Variants in PIGK observed in about 807,000 individuals in gnomAD.
PIGK encodes GPI-anchor transamidase.
PIGK carries 42 observed loss-of-function variants against 50.6 expected under a neutral mutation model. That is an observed-to-expected ratio of 0.83 (90% CI 0.65 to 1.07). The LOEUF is 1.07. PIGK is among the 50% of genes least tolerant of loss of function. The probability of loss-of-function intolerance (pLI) is 0.00; values close to 1 mark genes in which losing one functional copy is unlikely to be tolerated. For missense variants in PIGK, 448 were observed against 488.7 expected (o/e 0.92, Z 0.78); for synonymous variants, 151 against 156.0 (o/e 0.97, Z 0.24).
intron 3 of PIGK, among the ~76,000 whole-genome samples, chr1:77,176,112 G>A (rs1655483441): frequency 6.6e-6 from 1 of 152,110 alleles, no homozygotes; most frequent in Admixed American, 6.5e-5. Context: ...TGAGTAAAAG[G>A]TTTTTGCCTT....
Position 77,218,246 on chromosome 1 carries a change from T to C in PIGK, c.93+1064A>G, listed in dbSNP as rs570127435. Among the ~76,000 whole-genome samples the C allele has an allele frequency of 2.6e-5, 4 of 152,288 alleles. No homozygotes were observed. In the South Asian group the frequency reaches 8.3e-4, roughly 32 times the overall value. ...ATGCAATTAATAAATATTTAAAAGA[T>C]TTCATCAGAAGAATAACCTGATCAG... On this transcript the variant is annotated intron_variant, in intron 1 of 10. Transcript: ENST00000370812.
chr1:77,122,265 A>C lies in PIGK; in HGVS notation c.1071+10T>G, dbSNP rs570280496. The C allele has an allele frequency of 1.8e-5, 28 of 1,515,110 alleles. No homozygotes were observed. In the East Asian group the frequency reaches 5.6e-4, roughly 30 times the overall value. 93.9% of individuals were successfully genotyped at this position (1,515,110 alleles called of 1,614,324 possible). On this transcript the variant is annotated intron_variant, in intron 10 of 10. Transcript: ENST00000370812. ...TTGTTTCTTTCAAAAGAATAAAATG[A>C]AATGCAAACCTGGTGTATTATCTGA...
chr1:77,191,001 A>G (rs1173796990), intron 3 of PIGK, among the ~76,000 whole-genome samples: 1 of 152,236 alleles, frequency 6.6e-6, no homozygotes, highest in Non-Finnish European at 1.5e-5. Flanking sequence ...GATGAAAATC[A>G]GTACAGCGTT....
chr1:77,192,638 AT>A (rs1464254280), intron 3 of PIGK, among the ~76,000 whole-genome samples: 1 of 152,154 alleles, frequency 6.6e-6, no homozygotes, highest in Non-Finnish European at 1.5e-5. Flanking sequence ...AGATAACCAC[AT>A]TAAAAATAAA....
chr1:77,205,360 G>A (rs1208528094), intron 3 of PIGK, among the ~76,000 whole-genome samples: 1 of 150,644 alleles, frequency 6.6e-6, no homozygotes, highest in Non-Finnish European at 1.5e-5. Context: ...CAGACTTAAT[G>A]TAATTTTAAA....
In PIGK at chr1:77,206,750, A is replaced by T; in HGVS notation, c.148-19T>A. 6.6e-7 allele frequency: 1 copy of T among 1,515,346 alleles called. No homozygotes were observed. The highest frequency in any genetic ancestry group is 2.3e-5 in the East Asian group (1 of 44,320). 93.9% of individuals were successfully genotyped at this position (1,515,346 alleles called of 1,614,324 possible). A position where few individuals can be genotyped will look rare whatever the true frequency, so the allele number is the denominator to read the frequency against. On this transcript the variant is annotated intron_variant, in intron 2 of 10. Coordinates refer to ENST00000370812, the MANE Select transcript of PIGK (RefSeq NM_005482.3). Reference sequence around the variant, plus strand: ...TACACACCTGAAGTATTAAAACAAAAACAGAATTTTTATGCATCAAGGCTA... The same window carrying T: ...TACACACCTGAAGTATTAAAACAAATACAGAATTTTTATGCATCAAGGCTA...
rs560376101 is a variant in PIGK, at chr1:77,141,425, G to A, written c.986+13024C>T. 2.6e-5 allele frequency among the ~76,000 whole-genome samples: 4 copies of A among 152,134 alleles called. No individual in the cohort carries two copies. The East Asian group carries it at 5.8e-4, about 22-fold the overall frequency. On this transcript the variant is annotated intron_variant, in intron 9 of 10. Transcript: ENST00000370812. ...CTCTTAATATTGAAGTTAAAATGAA[G>A]GAACTGAAAAAGGCATTCCATACAA...
At chr1:77,155,416 T>C (rs910454319) in intron 8 of PIGK, among the ~76,000 whole-genome samples, 3 of 152,214 alleles carry the variant, frequency 2.0e-5, no homozygotes, top group African/African-American at 4.8e-5. Flanking sequence ...ATAGAATTCA[T>C]ACTGTTACTT....
At chr1:77,144,767 T>A (rs778054908) in intron 9 of PIGK, among the ~76,000 whole-genome samples, 2 of 151,930 alleles carry the variant, frequency 1.3e-5, no homozygotes, top group African/African-American at 4.8e-5. Context: ...AAGAACTTTA[T>A]CCATATGCAA....
chr1:77,116,592 G>A (rs1653977076), intron 10 of PIGK, among the ~76,000 whole-genome samples: 1 of 69,332 alleles, frequency 1.4e-5, no homozygotes, highest in African/African-American at 8.4e-5. Context: ...GTGTGTGTGT[G>A]TGTGCGCGTG....
rs373808555 is a variant in PIGK at position 77,096,051 on chromosome 1, T to C, written c.1072-3561A>G. Reference sequence around the variant, plus strand: ...AATTTAATAAGGAACCAAAAATTAATTTTAGACAATTTTTATCTGGCATGG... The same window carrying C: ...AATTTAATAAGGAACCAAAAATTAACTTTAGACAATTTTTATCTGGCATGG... On this transcript the variant is annotated intron_variant, in intron 10 of 10. Coordinates refer to ENST00000370812, the MANE Select transcript of PIGK (RefSeq NM_005482.3). Among the ~76,000 whole-genome samples, 7 of 151,890 alleles carry C rather than the reference T, an allele frequency of 4.6e-5. No individual in the cohort carries two copies. In the East Asian group the frequency reaches 1.4e-3, roughly 29 times the overall value.
intron 3 of PIGK, among the ~76,000 whole-genome samples, chr1:77,197,881 A>T (rs1467772475): frequency 2.0e-5 from 3 of 152,234 alleles, no homozygotes; most frequent in Non-Finnish European, 4.4e-5. Context: ...AAACAAAGTT[A>T]TTTAACAAAG....
intron 3 of PIGK, among the ~76,000 whole-genome samples, chr1:77,172,880 C>T (rs1346065775): frequency 6.6e-6 from 1 of 152,110 alleles, no homozygotes; most frequent in Non-Finnish European, 1.5e-5. Context: ...GCCGAGATCA[C>T]GCCACTGCAC....
rs980469153 is a variant in PIGK at position 77,089,792 on chromosome 1, C to G, written c.*2582G>C. The G allele has an allele frequency of 7.2e-5, 11 of 152,618 alleles. No homozygotes were observed. The highest frequency in any genetic ancestry group is 2.2e-4 in the African/African-American group (9 of 41,438). The allele number at this position is 152,618 out of a possible 1,614,324, so 9.5% of individuals were successfully genotyped here. On this transcript the variant is annotated 3_prime_UTR_variant, in exon 11 of 11. Coordinates refer to ENST00000370812, the MANE Select transcript of PIGK (RefSeq NM_005482.3). ...CCTTTCATAAACTGCAAATGAATGT[C>G]TTTCGTAATTTTAAAATCCACATTA...
chr1:77,183,977 C>G (rs1655682229), intron 3 of PIGK, among the ~76,000 whole-genome samples: 1 of 152,098 alleles, frequency 6.6e-6, no homozygotes, highest in African/African-American at 2.4e-5. Flanking sequence ...TTTTGAAGAG[C>G]CCTGTTATTG....
chr1:77,154,549 T>C lies in PIGK; in HGVS notation c.886A>G (p.Lys296Glu). Reference protein sequence around the residue: ...HRTDLFQRDPKNVLITDFFGS... With the variant: ...HRTDLFQRDPENVLITDFFGS... ...AAGAAATCAGTTATCAGTACATTTT[T>C]AGGATCCCTCTGAAAAAGATCAGTG... Residue 296 changes from lysine (K) to glutamate (E), a missense_variant, in exon 9 of 11, where the codon AAA (lysine) becomes GAA (glutamate). Lys to Glu is a moderately conservative substitution (Grantham distance 56). Transcript: ENST00000370812. 1 of 1,612,594 alleles carries C rather than the reference T, an allele frequency of 6.2e-7. No homozygotes were observed.
At chr1:77,136,336 C>T (rs1489104863) in intron 9 of PIGK, among the ~76,000 whole-genome samples, 18 of 151,558 alleles carry the variant, frequency 1.2e-4, no homozygotes, top group Admixed American at 6.6e-4. Flanking sequence ...GAGACCATCC[C>T]GGCTAAAACG....
At chr1:77,116,724 C>T (rs986249777) in intron 10 of PIGK, among the ~76,000 whole-genome samples, 6 of 151,968 alleles carry the variant, frequency 3.9e-5, no homozygotes, top group Non-Finnish European at 7.4e-5. Context: ...TGTTTAAGTT[C>T]AGTACTTAGT....
Position 77,142,452 on chromosome 1 carries a change from T to C in PIGK, c.986+11997A>G, listed in dbSNP as rs146712426. 2.5e-3 allele frequency among the ~76,000 whole-genome samples: 387 copies of C among 152,302 alleles called. 2 individuals carry two copies. Among genetic ancestry groups the C allele is most frequent in the African/African-American group, 8.3e-3 (343 of 41,572 alleles). On this transcript the variant is annotated intron_variant, in intron 9 of 10. Coordinates refer to ENST00000370812, the MANE Select transcript of PIGK (RefSeq NM_005482.3). Reference sequence around the variant, plus strand: ...AGAAGGTAGAGAGTAGATCACCCTATGACAGATAAAGTATCTGAGTCTTAG... The same window carrying C: ...AGAAGGTAGAGAGTAGATCACCCTACGACAGATAAAGTATCTGAGTCTTAG...
Sources: gnomAD v4.1 joint callset for allele counts (sites outside exome capture counted in the v4.1 genomes callset) on GRCh38, gnomAD v4.1.1 for gene constraint, MANE v1.5 for transcripts, NCBI Gene and HGNC (gene_info 2026-07-23, HGNC 2026-07-21) for gene names.